VPS13A: variants seen among roughly 807,000 people sequenced by gnomAD.
The protein encoded by VPS13A is vacuolar protein sorting 13 homolog A, also known as intermembrane lipid transfer protein VPS13A.
Under a neutral mutation model 390.9 loss-of-function variants are expected in VPS13A, and 264 were observed. The ratio of observed to expected loss-of-function variants is 0.68; its 90% confidence interval spans 0.61 to 0.75. The LOEUF is 0.75. Among genes scored for constraint, VPS13A ranks in the 30% least tolerant of loss-of-function variants. The probability of loss-of-function intolerance (pLI) is 0.00; values close to 1 mark genes in which losing one functional copy is unlikely to be tolerated. For synonymous variants in VPS13A, 1,231 were observed against 1,227.1 expected, an observed-to-expected ratio of 1.00 and a Z score of -0.07; for missense variants, 3,409 against 3,733.9, an observed-to-expected ratio of 0.91 and a Z score of 2.27.
intron 68 of VPS13A, among the ~76,000 whole-genome samples, chr9:77,400,751 C>G (rs1488135619): frequency 6.6e-6 from 1 of 150,856 alleles, no homozygotes; most frequent in Non-Finnish European, 1.5e-5. Context: ...TGGCATGAAC[C>G]CAGGAGGCAG....
At chr9:77,218,086 T>A (rs1379951604) in intron 10 of VPS13A, among the ~76,000 whole-genome samples, 1 of 151,890 alleles carries the variant, frequency 6.6e-6, no homozygotes, top group Non-Finnish European at 1.5e-5. Context: ...TATCTTCTTT[T>A]GAAAAATATT....
At chr9:77,323,421 C>A (rs945776278) in intron 45 of VPS13A, among the ~76,000 whole-genome samples, 194 bp downstream of exon 45, 2 of 152,038 alleles carry the variant, frequency 1.3e-5, no homozygotes, top group Non-Finnish European at 2.9e-5. Context: ...GTTCAATATA[C>A]TTCTTATAAT....
intron 68 of VPS13A, among the ~76,000 whole-genome samples, chr9:77,397,025 G>T (rs779978755): frequency 6.6e-6 from 1 of 152,140 alleles, no homozygotes; most frequent in Non-Finnish European, 1.5e-5. Flanking sequence ...GTCTCGCTCT[G>T]TTGCCCAGGC....
intron 22 of VPS13A, among the ~76,000 whole-genome samples, chr9:77,259,771 T>C (rs189286894): frequency 6.6e-6 from 1 of 152,320 alleles, no homozygotes; most frequent in Admixed American, 6.5e-5. Context: ...TTGTGAGGAC[T>C]GTTTACAATA....
chr9:77,347,279 A>G (rs1315243005), intron 52 of VPS13A, among the ~76,000 whole-genome samples: 2 of 146,758 alleles, frequency 1.4e-5, no homozygotes, highest in South Asian at 2.2e-4. Context: ...TTATGGCAGT[A>G]TGGTCATTTT....
intron 68 of VPS13A, among the ~76,000 whole-genome samples, chr9:77,386,768 C>T (rs375260998): frequency 1.3e-5 from 2 of 148,428 alleles, no homozygotes; most frequent in African/African-American, 5.0e-5. Flanking sequence ...AGTGCAGTGG[C>T]GCGATCTCGG....
intron 71 of VPS13A, among the ~76,000 whole-genome samples, chr9:77,412,339 T>C (rs1446924665): frequency 6.6e-6 from 1 of 152,010 alleles, no homozygotes; most frequent in African/African-American, 2.4e-5. Flanking sequence ...GATGCAAAAA[T>C]CCTCAATAAA....
At chr9:77,394,404 A>G (rs888927173) in intron 68 of VPS13A, among the ~76,000 whole-genome samples, 9 of 152,102 alleles carry the variant, frequency 5.9e-5, no homozygotes, top group Admixed American at 5.9e-4. Context: ...CTTGGCTTCA[A>G]CTTAAAGTCA....
intron 68 of VPS13A, among the ~76,000 whole-genome samples, chr9:77,396,245 G>A (rs149748586): frequency 2.9e-4 from 44 of 152,230 alleles, no homozygotes; most frequent in African/African-American, 9.6e-4. Context: ...ACAACAATTC[G>A]TATCTCTTAA....
At chr9:77,415,559 T>C (rs1033744976) in intron 71 of VPS13A, among the ~76,000 whole-genome samples, 9 of 152,224 alleles carry the variant, frequency 5.9e-5, no homozygotes, top group African/African-American at 2.2e-4. Flanking sequence ...TGCTCAAGAA[T>C]GTTGCTTCTA....
chr9:77,412,768 G>C (rs1400965321), intron 71 of VPS13A, among the ~76,000 whole-genome samples: 3 of 152,108 alleles, frequency 2.0e-5, no homozygotes, highest in Admixed American at 6.6e-5. Flanking sequence ...GCAGGAGAAG[G>C]AAATAAAGGG....
intron 3 of VPS13A, among the ~76,000 whole-genome samples, chr9:77,202,257 A>C (rs1191613577): frequency 1.3e-5 from 2 of 151,936 alleles, no homozygotes; most frequent in East Asian, 3.9e-4. Context: ...TATCCTCCCC[A>C]CTCCTACCTT....
At chr9:77,320,001 T>A (rs1829644422) in intron 42 of VPS13A, among the ~76,000 whole-genome samples, 1 of 152,180 alleles carries the variant, frequency 6.6e-6, no homozygotes, top group East Asian at 1.9e-4. Flanking sequence ...AATTTTCAAA[T>A]CTAAGGCCAA....
At chr9:77,411,612 G>T (rs536906560) in intron 71 of VPS13A, among the ~76,000 whole-genome samples, 1 of 133,914 alleles carries the variant, frequency 7.5e-6, no homozygotes, top group Non-Finnish European at 1.5e-5. Flanking sequence ...GCAATCAGCC[G>T]AGATGGCGCC....
chr9:77,314,501 T>A lies in VPS13A; in HGVS notation c.4249T>A (p.Phe1417Ile). 6.2e-7 allele frequency: 1 copy of A among 1,611,940 alleles called. No individual in the cohort carries two copies. The highest frequency in any genetic ancestry group is 1.1e-5 in the South Asian group (1 of 91,014). ...TTGGTTTCTCCTTTCATAGGCTTCC[T>A]TTACAGATGTTCGTGATCCTTCTCT... Reference protein sequence around the residue: ...LYSPGPKQASFTDVRDPSLKL... With the variant: ...LYSPGPKQASITDVRDPSLKL... Residue 1417 changes from phenylalanine to isoleucine, a missense_variant, in exon 37 of 72, where the codon TTT becomes ATT. This residue lies in a region of VPS13A where 2,717 missense variants were observed against 2,917.4 expected (regional missense o/e 0.93). Coordinates refer to ENST00000360280, the MANE Select transcript of VPS13A (RefSeq NM_033305.3).
At chr9:77,276,013 A>G in intron 25 of VPS13A, 52 bp from the exon 26 acceptor site, 2 of 1,575,588 alleles carry the variant, frequency 1.3e-6, no homozygotes, top group Non-Finnish European at 1.7e-6. Context: ...CTATGCACAT[A>G]AACATGTTTT....
intron 33 of VPS13A, among the ~76,000 whole-genome samples, chr9:77,299,848 G>A (rs1388448222): frequency 6.6e-6 from 1 of 152,086 alleles, no homozygotes; most frequent in African/African-American, 2.4e-5. Flanking sequence ...ACCACCACAT[G>A]TTCTCACTCA....
In VPS13A at chr9:77,354,509, T is replaced by A. The variant is rs117044231; in HGVS notation, c.7652+868T>A. 8.5e-3 allele frequency among the ~76,000 whole-genome samples: 1,289 copies of A among 152,278 alleles called. 10 individuals are homozygous for A. The highest frequency in any genetic ancestry group is 0.014 in the South Asian group (67 of 4,826). ...TGTTAATGCAAAGATGAATAATACA[T>A]GGTCTCTACCTTTCTGTTTCTTAAA... On this transcript the variant is annotated intron_variant, in intron 54 of 71. Coordinates refer to ENST00000360280, the MANE Select transcript of VPS13A (RefSeq NM_033305.3).
rs1249846760 is a variant in VPS13A at position 77,293,355 on chromosome 9, T to C, written c.3354T>C (p.Thr1118=). ...CTCTTATTAAGGCTGTTTATATCAC[T>C]GGAAAAGAAGTTTTCAGCTTCAAAA... ...TAIYKKAVYI[T]GKEVFSFKMV... is the part of the protein sequence containing the mutation. The change falls in exon 32 of 72, where the codon ACT becomes ACC. Residue 1118 remains threonine (T), a synonymous_variant. Coordinates refer to ENST00000360280, the MANE Select transcript of VPS13A (RefSeq NM_033305.3). The C allele has an allele frequency of 5.6e-6, 9 of 1,612,106 alleles. No individual in the cohort carries two copies. The highest frequency in any genetic ancestry group is 7.6e-6 in the Non-Finnish European group (9 of 1,179,062).
Sources: gnomAD v4.1 joint callset for allele counts (sites outside exome capture counted in the v4.1 genomes callset) on GRCh38, gnomAD v4.1.1 for gene constraint, gnomAD v4.1.1 regional missense constraint, MANE v1.5 for transcripts, NCBI Gene and HGNC (gene_info 2026-07-23, HGNC 2026-07-21) for gene names.